PHACTR1: variants seen among roughly 807,000 people sequenced by gnomAD.
PHACTR1 encodes the protein RPEL repeat containing 1.
Under a neutral mutation model 69.2 loss-of-function variants are expected in PHACTR1, and 16 were observed. The ratio of observed to expected loss-of-function variants is 0.23; its 90% CI spans 0.16 to 0.35. The LOEUF is 0.35. Ranked by LOEUF, PHACTR1 falls within the 10% of genes least tolerant of loss-of-function variation. The pLI, the probability that PHACTR1 is intolerant of heterozygous loss-of-function variation, is 1.00. For missense variants in PHACTR1, 510 were observed against 734.7 expected (o/e 0.69, Z 3.54); for synonymous variants, 312 against 284.5 (o/e 1.10, Z -0.97).
At chr6:13,164,542 CTGTT>C (rs1759509802) in intron 6 of PHACTR1, among the ~76,000 whole-genome samples, 2 of 152,182 alleles carry the variant, frequency 1.3e-5, no homozygotes, top group African/African-American at 4.8e-5. Context: ...GGCCCCACCT[CTGTT>C]TGTGCCGCAG....
chr6:13,216,011 T>G (rs144155596), intron 8 of PHACTR1, among the ~76,000 whole-genome samples: 1 of 152,340 alleles, frequency 6.6e-6, no homozygotes, highest in East Asian at 1.9e-4. Context: ...TTTATACGAA[T>G]AGTTTATTAT....
intron 4 of PHACTR1, among the ~76,000 whole-genome samples, chr6:13,012,515 G>A (rs1011930541): frequency 9.2e-5 from 14 of 152,344 alleles, no homozygotes; most frequent in African/African-American, 3.1e-4. Context: ...GAATGCAGTA[G>A]GGTGGAAAGA....
intron 5 of PHACTR1, among the ~76,000 whole-genome samples, chr6:13,061,107 T>A (rs1251688674): frequency 1.3e-5 from 2 of 152,156 alleles, no homozygotes; most frequent in Non-Finnish European, 2.9e-5. Context: ...ATAATTTGAA[T>A]CTCTGCCAGC....
chr6:13,228,153 G>A, intron 9 of PHACTR1, 90 bp downstream of exon 9: 2 of 1,470,834 alleles, frequency 1.4e-6, no homozygotes, highest in Non-Finnish European at 1.8e-6. Flanking sequence ...CAGCAGTCTG[G>A]GTTCTAATCC....
intron 4 of PHACTR1, among the ~76,000 whole-genome samples, chr6:12,803,775 C>T (rs1029429635): frequency 6.6e-6 from 1 of 152,188 alleles, no homozygotes; most frequent in African/African-American, 2.4e-5. Context: ...AGCAGCATCT[C>T]TGGCCTCTAC....
chr6:12,995,278 C>T (rs1797291945), intron 4 of PHACTR1, among the ~76,000 whole-genome samples: 1 of 149,210 alleles, frequency 6.7e-6, no homozygotes, highest in Non-Finnish European at 1.5e-5. Flanking sequence ...ATATAACTTC[C>T]AAATTAGAGG....
intron 4 of PHACTR1, among the ~76,000 whole-genome samples, chr6:12,806,509 G>A (rs987786322): frequency 2.6e-5 from 4 of 151,960 alleles, no homozygotes; most frequent in African/African-American, 7.3e-5. Context: ...TTAGAGAGGG[G>A]GTCTTGTTAT....
At chr6:12,833,333 A>G (rs1461066350) in intron 4 of PHACTR1, among the ~76,000 whole-genome samples, 2 of 151,226 alleles carry the variant, frequency 1.3e-5, no homozygotes, top group African/African-American at 2.4e-5. Context: ...ATCTCAGCTC[A>G]CTGCAACCTC....
At chr6:12,905,061 G>C (rs1785579987) in intron 4 of PHACTR1, among the ~76,000 whole-genome samples, 1 of 152,128 alleles carries the variant, frequency 6.6e-6, no homozygotes, top group Non-Finnish European at 1.5e-5. Flanking sequence ...TCTCAACCCT[G>C]CACTGAACGT....
At chr6:12,892,456 C>T (rs970434112) in intron 4 of PHACTR1, among the ~76,000 whole-genome samples, 2 of 152,176 alleles carry the variant, frequency 1.3e-5, no homozygotes, top group Admixed American at 6.5e-5. Context: ...AGTGATGAAA[C>T]ATACGCTCCC....
At chr6:12,978,377 A>G (rs1795130656) in intron 4 of PHACTR1, among the ~76,000 whole-genome samples, 2 of 152,184 alleles carry the variant, frequency 1.3e-5, no homozygotes, top group South Asian at 4.1e-4. Flanking sequence ...TGTTCTTGCC[A>G]GGCTCTCAGG....
intron 4 of PHACTR1, among the ~76,000 whole-genome samples, chr6:12,881,577 C>A (rs1261834227): frequency 6.6e-6 from 1 of 151,928 alleles, no homozygotes; most frequent in Admixed American, 6.6e-5. Flanking sequence ...CTCTTAAGAC[C>A]CTCTTCCCTC....
chr6:13,057,098 A>T (rs1235937801), intron 5 of PHACTR1, among the ~76,000 whole-genome samples: 1 of 152,230 alleles, frequency 6.6e-6, no homozygotes, highest in African/African-American at 2.4e-5. Flanking sequence ...CGTAGACTAT[A>T]GTTAAGAATT....
At chr6:13,267,606 T>A (rs949913816) in intron 10 of PHACTR1, 1 of 152,154 alleles carries the variant, frequency 6.6e-6, no homozygotes, top group East Asian at 1.9e-4. Context: ...TTTTATTACA[T>A]GCCAGTCCTT....
chr6:13,064,598 ATATATATCTATATATCTATCTATC>A (rs1808290556), intron 5 of PHACTR1, among the ~76,000 whole-genome samples: 3 of 7,616 alleles, frequency 3.9e-4, no homozygotes, highest in African/African-American at 1.5e-3. Context: ...ATATATATAT[ATATATATCTATATATCTATCTATC>A]CACACTTGCC....
chr6:13,270,837 T>C (rs2127443840), intron 10 of PHACTR1, among the ~76,000 whole-genome samples: 1 of 152,182 alleles, frequency 6.6e-6, no homozygotes, highest in Admixed American at 6.5e-5. Context: ...AATTGGCTCA[T>C]GGTTCTGCAG....
At chr6:12,813,559 G>A (rs1775253777) in intron 4 of PHACTR1, among the ~76,000 whole-genome samples, 3 of 152,212 alleles carry the variant, frequency 2.0e-5, no homozygotes. Flanking sequence ...CAGAGTGTGA[G>A]TGTGCTCCTG....
chr6:12,764,063 T>C (rs1230043529), intron 4 of PHACTR1, among the ~76,000 whole-genome samples: 1 of 152,114 alleles, frequency 6.6e-6, no homozygotes, highest in Non-Finnish European at 1.5e-5. Context: ...TGACACTAAT[T>C]TGGAGAAGAA....
chr6:13,248,193 T>C (rs1170521265), intron 10 of PHACTR1, among the ~76,000 whole-genome samples: 1 of 152,224 alleles, frequency 6.6e-6, no homozygotes, highest in Non-Finnish European at 1.5e-5. Context: ...AACAGAGCCA[T>C]CTGGGGCCAC....
Sources: allele counts gnomAD v4.1 joint callset (sites outside exome capture counted in the v4.1 genomes callset), GRCh38; gene constraint gnomAD v4.1.1; transcripts MANE v1.5; gene names NCBI Gene and HGNC (gene_info 2026-07-23, HGNC 2026-07-21).